SLC24A2: variants seen among roughly 807,000 people sequenced by gnomAD.
The protein encoded by SLC24A2 is solute carrier family 24 member 2.
A neutral mutation model predicts 62.0 loss-of-function variants in SLC24A2; 36 were observed. The observed-to-expected ratio is 0.58, with a 90% CI of 0.44 to 0.77. The LOEUF (loss-of-function observed/expected upper bound fraction) is 0.77, where lower values mean the gene tolerates loss of function less well. Among genes scored for constraint, SLC24A2 ranks in the 30% least tolerant of loss-of-function variants. The pLI, the probability that SLC24A2 is intolerant of heterozygous loss-of-function variation, is 0.00. For synonymous variants in SLC24A2, 358 were observed against 294.0 expected, an observed-to-expected ratio of 1.22 and a Z score of -2.23; for missense variants, 846 against 817.9, an observed-to-expected ratio of 1.03 and a Z score of -0.42.
chr9:20,096,242 T>C, the SLC24A2 span, among the ~76,000 whole-genome samples: 1 of 152,208 alleles, frequency 6.6e-6, no homozygotes, highest in African/African-American at 2.4e-5. Flanking sequence ...TGCAACCTTG[T>C]ATCATAGTAT....
chr9:20,070,110 C>T, the SLC24A2 span, among the ~76,000 whole-genome samples: 1 of 152,110 alleles, frequency 6.6e-6, no homozygotes, highest in Non-Finnish European at 1.5e-5. Context: ...ATTAAATTGT[C>T]CAACTCTTTA....
chr9:19,897,381 A>G, the SLC24A2 span, among the ~76,000 whole-genome samples: 1 of 152,116 alleles, frequency 6.6e-6, no homozygotes, highest in Non-Finnish European at 1.5e-5. Flanking sequence ...ATGAAAGTTT[A>G]CTTTTCTTTT....
chr9:20,183,208 G>T, the SLC24A2 span, among the ~76,000 whole-genome samples: 1 of 152,276 alleles, frequency 6.6e-6, no homozygotes, highest in East Asian at 1.9e-4. Flanking sequence ...GATAGGTGTG[G>T]GGAGAACTAA....
chr9:19,707,990 G>A (rs908789739), intron 2 of SLC24A2, among the ~76,000 whole-genome samples: 1 of 152,184 alleles, frequency 6.6e-6, no homozygotes, highest in African/African-American at 2.4e-5. Flanking sequence ...TGACATGACT[G>A]TGTATCTATA....
intron 2 of SLC24A2, among the ~76,000 whole-genome samples, chr9:19,690,658 G>A (rs1171335764): frequency 6.6e-6 from 1 of 152,168 alleles, no homozygotes; most frequent in Non-Finnish European, 1.5e-5. Flanking sequence ...TAGCCATTCT[G>A]TAGCTACTGG....
the SLC24A2 span, among the ~76,000 whole-genome samples, chr9:20,119,360 A>C: frequency 6.6e-6 from 1 of 152,162 alleles, no homozygotes; most frequent in African/African-American, 2.4e-5. Context: ...GCCGATTATA[A>C]AATTTGAGTA....
At chr9:19,616,008 AC>A (rs1817759333) in intron 4 of SLC24A2, among the ~76,000 whole-genome samples, 1 of 145,128 alleles carries the variant, frequency 6.9e-6, no homozygotes, top group Non-Finnish European at 1.5e-5. Context: ...ACACACACAC[AC>A]ACACACACAC....
the SLC24A2 span, among the ~76,000 whole-genome samples, chr9:20,109,597 C>G: frequency 2.0e-5 from 3 of 152,186 alleles, no homozygotes; most frequent in African/African-American, 7.2e-5. Flanking sequence ...GTCATCACAA[C>G]TTGTTTCTGG....
chr9:20,168,834 G>A, the SLC24A2 span, among the ~76,000 whole-genome samples: 27 of 151,964 alleles, frequency 1.8e-4, no homozygotes, highest in African/African-American at 5.6e-4. Flanking sequence ...ACATGACCCG[G>A]CAGTTTCACT....
At chr9:19,888,338 T>G in the SLC24A2 span, among the ~76,000 whole-genome samples, 9 of 152,202 alleles carry the variant, frequency 5.9e-5, no homozygotes, top group African/African-American at 2.2e-4. Flanking sequence ...TTTCCAAAAT[T>G]TGCCCTTATT....
At chr9:19,770,435 T>A (rs1822651155) in intron 2 of SLC24A2, among the ~76,000 whole-genome samples, 2 of 152,190 alleles carry the variant, frequency 1.3e-5, no homozygotes, top group African/African-American at 4.8e-5. Context: ...CAATCCTTTC[T>A]ATAAAGACTA....
Position 19,564,531 on chromosome 9 carries a change from T to C in SLC24A2, c.1347+8820A>G, listed in dbSNP as rs555148520. Among the ~76,000 whole-genome samples, 8 of 100,768 alleles carry C rather than the reference T, an allele frequency of 7.9e-5. No individual in the cohort carries two copies. In the South Asian group the frequency reaches 4.5e-3, roughly 56 times the overall value. 66.1% of individuals were successfully genotyped at this position (100,768 alleles called of 152,430 possible). A position where few individuals can be genotyped will look rare whatever the true frequency, so the allele number is the denominator to read the frequency against. ...CAGTCATCTGTTATCTACCTACCTA[T>C]CTCTCTCTGTATCTATCTGTCTATC... On this transcript the variant is annotated intron_variant, in intron 7 of 10. Coordinates refer to ENST00000341998, the MANE Select transcript of SLC24A2 (RefSeq NM_020344.4).
chr9:20,211,009 G>C, the SLC24A2 span, among the ~76,000 whole-genome samples: 1 of 151,866 alleles, frequency 6.6e-6, no homozygotes, highest in Non-Finnish European at 1.5e-5. Flanking sequence ...TTAGGTTTTA[G>C]AAGGACAAGA....
intron 7 of SLC24A2, among the ~76,000 whole-genome samples, chr9:19,569,871 GC>G (rs1361762133): frequency 6.6e-6 from 1 of 152,110 alleles, no homozygotes; most frequent in Non-Finnish European, 1.5e-5. Context: ...GTTTATTTCT[GC>G]CTTTGTGGGT....
chr9:19,952,690 G>C, the SLC24A2 span, among the ~76,000 whole-genome samples: 1 of 148,444 alleles, frequency 6.7e-6, no homozygotes, highest in African/African-American at 2.5e-5. Flanking sequence ...GTGTTCATGA[G>C]GTGCAATCGT....
the SLC24A2 span, among the ~76,000 whole-genome samples, chr9:19,982,995 T>C: frequency 0.29 from 43,827 of 151,986 alleles, 7,264 homozygotes; most frequent in South Asian, 0.44. Flanking sequence ...AAACTAGAAA[T>C]AGAAGAGAAC....
At chr9:19,648,099 T>A (rs779562165) in intron 2 of SLC24A2, among the ~76,000 whole-genome samples, 2 of 152,182 alleles carry the variant, frequency 1.3e-5, no homozygotes, top group Non-Finnish European at 2.9e-5. Context: ...TAAAGTGGCA[T>A]AAACTATAGT....
the SLC24A2 span, among the ~76,000 whole-genome samples, chr9:20,306,126 G>A: frequency 6.6e-6 from 1 of 152,174 alleles, no homozygotes; most frequent in Non-Finnish European, 1.5e-5. Context: ...GAATTGGATA[G>A]GGACACAACT....
chr9:19,962,161 C>T, the SLC24A2 span, among the ~76,000 whole-genome samples: 2 of 152,152 alleles, frequency 1.3e-5, no homozygotes, highest in Non-Finnish European at 2.9e-5. Context: ...ATGTGTTGGG[C>T]AGTGTGACTG....
Sources: allele counts gnomAD v4.1 joint callset (sites outside exome capture counted in the v4.1 genomes callset), GRCh38; gene constraint gnomAD v4.1.1; transcripts MANE v1.5; gene names NCBI Gene and HGNC (gene_info 2026-07-23, HGNC 2026-07-21).